CDH8: variants seen among roughly 807,000 people sequenced by gnomAD.
CDH8 encodes the protein cadherin 8, also known as cadherin-8.
CDH8 carries 17 observed loss-of-function variants against 68.1 expected under a neutral mutation model. The ratio of observed to expected loss-of-function variants is 0.25; its 90% CI spans 0.17 to 0.37. The LOEUF is 0.37. Ranked by LOEUF, CDH8 falls within the 10% of genes least tolerant of loss-of-function variation. The pLI is 1.00. For missense variants in CDH8, 763 were observed against 999.3 expected (o/e 0.76, Z 3.19); for synonymous variants, 372 against 365.1 (o/e 1.02, Z -0.21).
intron 2 of CDH8, among the ~76,000 whole-genome samples, chr16:61,983,121 A>G (rs1487032505): frequency 6.6e-6 from 1 of 152,218 alleles, no homozygotes; most frequent in Admixed American, 6.5e-5. Flanking sequence ...TATACATACT[A>G]CAGCATCCCT....
intron 4 of CDH8, among the ~76,000 whole-genome samples, chr16:61,836,969 C>T (rs967508517): frequency 1.3e-5 from 2 of 151,986 alleles, no homozygotes; most frequent in African/African-American, 2.4e-5. Context: ...CTTCTCACCA[C>T]TCCTTTTGTT....
At chr16:61,739,915 A>ATATTTAT in intron 8 of CDH8, among the ~76,000 whole-genome samples, 1 of 109,562 alleles carries the variant, frequency 9.1e-6, no homozygotes, top group East Asian at 3.2e-4. Flanking sequence ...ATATATATGT[A>ATATTTAT]TTTTTTTTTT....
Position 61,707,768 on chromosome 16 carries a change from G to GAATTTGC in CDH8, c.1654+6066_1654+6072dup, listed in dbSNP as rs975007723. Among the ~76,000 whole-genome samples, 58 of 152,064 alleles carry GAATTTGC rather than the reference G, an allele frequency of 3.8e-4. 1 individual carries two copies. The highest frequency in any genetic ancestry group is 1.8e-3 in the Admixed American group (28 of 15,272). On this transcript the variant is annotated intron_variant, in intron 10 of 11. Coordinates refer to ENST00000577390, the MANE Select transcript of CDH8 (RefSeq NM_001796.5). The stretch of plus-strand genomic sequence containing the variant: ...TTTAATATCTTTTTTCAAAAAAAAA[G>GAATTTGC]AATTTGCACAGACTGACAGATCATT...
intron 10 of CDH8, among the ~76,000 whole-genome samples, chr16:61,661,264 T>G (rs1963552227): frequency 6.6e-6 from 1 of 151,908 alleles, no homozygotes; most frequent in African/African-American, 2.4e-5. Flanking sequence ...TACCTAACAC[T>G]GTGGAACACT....
chr16:61,939,428 C>T (rs1456930841), intron 2 of CDH8, among the ~76,000 whole-genome samples: 1 of 152,086 alleles, frequency 6.6e-6, no homozygotes, highest in East Asian at 1.9e-4. Context: ...ATTATTTTTC[C>T]TCCTTTGCAG....
At position 61,665,849 on chromosome 16, in the gene CDH8, C is replaced by T. The variant is rs573934307; in HGVS notation, c.1655-10128G>A. On this transcript the variant is annotated intron_variant, in intron 10 of 11. Transcript: ENST00000577390. ...CTCTCCTTCCCTCCCTCCCTCCCTCCTTCCTTCCTTCCTTGCCTCTTTCCT... is the reference window on the plus strand; with the variant it reads ...CTCTCCTTCCCTCCCTCCCTCCCTCTTTCCTTCCTTCCTTGCCTCTTTCCT... Among the ~76,000 whole-genome samples, 6 of 148,180 alleles carry T rather than the reference C, an allele frequency of 4.0e-5. No individual in the cohort carries two copies. The South Asian group carries it at 1.3e-3, about 32-fold the overall frequency.
At chr16:61,848,606 G>A (rs991711277) in intron 4 of CDH8, among the ~76,000 whole-genome samples, 3 of 152,018 alleles carry the variant, frequency 2.0e-5, no homozygotes, top group Non-Finnish European at 2.9e-5. Context: ...GAAAATAAGT[G>A]ATTGTTAAGT....
intron 10 of CDH8, among the ~76,000 whole-genome samples, chr16:61,702,572 A>G (rs917723873): frequency 6.6e-6 from 1 of 152,174 alleles, no homozygotes; most frequent in African/African-American, 2.4e-5. Context: ...TAATACCTGA[A>G]ATAGATCATT....
intron 8 of CDH8, among the ~76,000 whole-genome samples, chr16:61,780,694 G>C (rs1961027754): frequency 1.3e-5 from 2 of 152,116 alleles, no homozygotes; most frequent in Admixed American, 6.5e-5. Context: ...CCCAAGACAT[G>C]GTCTGTGGCT....
At position 62,020,823 on chromosome 16, in the gene CDH8, G is replaced by C. The variant is rs76694203; in HGVS notation, c.252+329C>G. 5.8e-3 allele frequency among the ~76,000 whole-genome samples: 876 copies of C among 152,276 alleles called. 4 individuals are homozygous for C. Among genetic ancestry groups the C allele is most frequent in the Middle Eastern group, 0.014 (4 of 294 alleles). ...GAGAAAATGTGCGTATCTCTTCCAAGTACTATAAACTAGAGAAAAGGTTTG... is the reference window on the plus strand; with the variant it reads ...GAGAAAATGTGCGTATCTCTTCCAACTACTATAAACTAGAGAAAAGGTTTG... On this transcript the variant is annotated intron_variant, in intron 2 of 11. Transcript: ENST00000577390.
intron 5 of CDH8, among the ~76,000 whole-genome samples, chr16:61,823,396 A>G (rs1043879178): frequency 6.6e-6 from 1 of 151,806 alleles, no homozygotes; most frequent in African/African-American, 2.4e-5. Flanking sequence ...CTAATCTTTC[A>G]TGTTAGAAAT....
intron 2 of CDH8, among the ~76,000 whole-genome samples, chr16:62,018,039 T>C (rs1318152401): frequency 6.6e-6 from 1 of 152,214 alleles, no homozygotes; most frequent in African/African-American, 2.4e-5. Context: ...ACAATTACTA[T>C]ATAGCAGGCA....
At chr16:61,860,941 A>G (rs1963139234) in intron 3 of CDH8, among the ~76,000 whole-genome samples, 1 of 152,230 alleles carries the variant, frequency 6.6e-6, no homozygotes, top group South Asian at 2.1e-4. Flanking sequence ...ACGTCTTCTG[A>G]AACGCTTATC....
At chr16:61,961,448 C>T (rs1448258365) in intron 2 of CDH8, among the ~76,000 whole-genome samples, 1 of 152,140 alleles carries the variant, frequency 6.6e-6, no homozygotes, top group Admixed American at 6.5e-5. Context: ...TCTCTCTTTC[C>T]TTGTCCTCTC....
intron 10 of CDH8, among the ~76,000 whole-genome samples, chr16:61,679,285 C>T (rs140168910): frequency 3.0e-3 from 457 of 152,170 alleles, no homozygotes; most frequent in African/African-American, 0.01. Context: ...CAGCCAAAAT[C>T]AGCTTTTGCA....
intron 2 of CDH8, among the ~76,000 whole-genome samples, chr16:61,939,916 A>C (rs1002076779): frequency 6.6e-6 from 1 of 152,200 alleles, no homozygotes. Context: ...ACTAGAGCAC[A>C]TAGACTCCAA....
intron 9 of CDH8, among the ~76,000 whole-genome samples, chr16:61,716,461 A>C (rs1964732313): frequency 6.6e-6 from 1 of 151,756 alleles, no homozygotes; most frequent in South Asian, 2.1e-4. Context: ...CAATTTATTG[A>C]GCCACTGGAA....
chr16:61,849,065 A>G (rs1049464791), intron 4 of CDH8, among the ~76,000 whole-genome samples: 4 of 152,108 alleles, frequency 2.6e-5, no homozygotes, highest in Non-Finnish European at 5.9e-5. Context: ...CCACCAGCAC[A>G]GTTTGTTGCT....
At chr16:61,716,530 G>C (rs1300917077) in intron 9 of CDH8, among the ~76,000 whole-genome samples, 2 of 151,646 alleles carry the variant, frequency 1.3e-5, no homozygotes, top group South Asian at 4.1e-4. Flanking sequence ...ACAGCCTTCT[G>C]GGTAATTCTG....
Sources: gnomAD v4.1 joint callset for allele counts (sites outside exome capture counted in the v4.1 genomes callset) on GRCh38, gnomAD v4.1.1 for gene constraint, MANE v1.5 for transcripts, NCBI Gene and HGNC (gene_info 2026-07-23, HGNC 2026-07-21) for gene names.